The following ARHGAP24 variants were observed in gnomAD, a reference collection of about 807,000 sequenced individuals.
ARHGAP24 encodes Rho GTPase activating protein 24.
In ARHGAP24, 50 loss-of-function variants were observed where a neutral mutation model predicts 76.4. That is an observed-to-expected ratio of 0.65 (90% CI 0.52 to 0.83). The LOEUF (loss-of-function observed/expected upper bound fraction) is 0.83. ARHGAP24 is among the 40% of genes least tolerant of loss of function. The pLI, the probability that ARHGAP24 is intolerant of heterozygous loss-of-function variation, is 0.00. For missense variants in ARHGAP24, 930 were observed against 914.2 expected (o/e 1.02, Z -0.22); for synonymous variants, 345 against 323.3 (o/e 1.07, Z -0.72).
intron 2 of ARHGAP24, among the ~76,000 whole-genome samples, chr4:85,715,161 C>T (rs987007715): frequency 2.0e-5 from 3 of 152,054 alleles, no homozygotes; most frequent in East Asian, 1.9e-4. Flanking sequence ...CAACATCAAA[C>T]GCTATGGTAT....
At chr4:85,635,072 T>C (rs1180901667) in intron 2 of ARHGAP24, among the ~76,000 whole-genome samples, 1 of 151,866 alleles carries the variant, frequency 6.6e-6, no homozygotes, top group Non-Finnish European at 1.5e-5. Flanking sequence ...CCAAGACCAA[T>C]ATATGTTTTT....
intron 2 of ARHGAP24, among the ~76,000 whole-genome samples, chr4:85,578,926 G>C (rs1294092763): frequency 6.6e-6 from 1 of 152,146 alleles, no homozygotes; most frequent in East Asian, 1.9e-4. Flanking sequence ...TAACTTCAGA[G>C]CAGAAAATAA....
At chr4:85,912,651 A>G (rs1259326897) in intron 3 of ARHGAP24, among the ~76,000 whole-genome samples, 1 of 152,208 alleles carries the variant, frequency 6.6e-6, no homozygotes, top group Non-Finnish European at 1.5e-5. Context: ...TAGCATCCAT[A>G]GCAGTTAACA....
At chr4:85,584,404 A>G (rs1727755422) in intron 2 of ARHGAP24, among the ~76,000 whole-genome samples, 1 of 144,866 alleles carries the variant, frequency 6.9e-6, no homozygotes, top group Non-Finnish European at 1.5e-5. Flanking sequence ...GAACACATGG[A>G]CACAGGAAGG....
intron 9 of ARHGAP24, among the ~76,000 whole-genome samples, chr4:85,997,909 G>A (rs966825802): frequency 1.3e-5 from 2 of 151,926 alleles, no homozygotes; most frequent in African/African-American, 2.4e-5. Flanking sequence ...CACCCACCTC[G>A]GCCTCCCAAA....
At chr4:85,729,494 C>T (rs138410217) in intron 3 of ARHGAP24, among the ~76,000 whole-genome samples, 2 of 152,270 alleles carry the variant, frequency 1.3e-5, no homozygotes, top group Non-Finnish European at 2.9e-5. Flanking sequence ...ACATTTGGGG[C>T]ATTTACGAAC....
intron 2 of ARHGAP24, among the ~76,000 whole-genome samples, chr4:85,614,870 G>A (rs918454707): frequency 9.9e-5 from 15 of 152,074 alleles, no homozygotes; most frequent in Admixed American, 4.6e-4. Flanking sequence ...GATTAAACTA[G>A]GCCATCAGAG....
chr4:85,856,941 T>C (rs1466415947), intron 3 of ARHGAP24, among the ~76,000 whole-genome samples: 1 of 152,210 alleles, frequency 6.6e-6, no homozygotes, highest in Non-Finnish European at 1.5e-5. Flanking sequence ...CTGACTTTTT[T>C]TTAATTTAAC....
intron 5 of ARHGAP24, among the ~76,000 whole-genome samples, chr4:85,952,250 A>G (rs1369654300): frequency 6.6e-6 from 1 of 152,204 alleles, no homozygotes; most frequent in Non-Finnish European, 1.5e-5. Flanking sequence ...ACATTTTCCC[A>G]TGTCATTAAG....
intron 4 of ARHGAP24, among the ~76,000 whole-genome samples, chr4:85,938,173 A>G (rs1019686036): frequency 6.6e-6 from 1 of 152,160 alleles, no homozygotes; most frequent in Non-Finnish European, 1.5e-5. Flanking sequence ...GTCTAGTGAA[A>G]AGTCACATCC....
chr4:85,765,904 A>G (rs1009934249), intron 3 of ARHGAP24, among the ~76,000 whole-genome samples: 6 of 152,194 alleles, frequency 3.9e-5, no homozygotes, highest in African/African-American at 9.6e-5. Flanking sequence ...ACTCAATTGC[A>G]TAGTTGTTTT....
At chr4:85,977,833 G>T in intron 8 of ARHGAP24, 142 bp downstream of exon 8, 2 of 1,038,234 alleles carry the variant, frequency 1.9e-6, no homozygotes, top group Non-Finnish European at 1.4e-6. Flanking sequence ...TTCTTTAAAT[G>T]TAAAAATCTT....
chr4:85,886,786 A>G (rs986003105), intron 3 of ARHGAP24, among the ~76,000 whole-genome samples: 3 of 152,154 alleles, frequency 2.0e-5, no homozygotes, highest in Non-Finnish European at 2.9e-5. Flanking sequence ...ATTAACCCCT[A>G]TACTCCACAC....
At chr4:85,683,117 T>TG (rs201448168) in intron 2 of ARHGAP24, among the ~76,000 whole-genome samples, 11,245 of 56,884 alleles carry the variant, frequency 0.2, 1,125 homozygotes, top group South Asian at 0.29. Context: ...TGTGGGGGGG[T>TG]GGGGGGGGGG....
intron 2 of ARHGAP24, among the ~76,000 whole-genome samples, chr4:85,594,087 T>C (rs1348298010): frequency 1.3e-5 from 2 of 152,108 alleles, no homozygotes; most frequent in Non-Finnish European, 2.9e-5. Flanking sequence ...TCTGTGAATA[T>C]GGGATCTTTC....
chr4:85,911,563 A>G (rs1735086969), intron 3 of ARHGAP24, among the ~76,000 whole-genome samples: 1 of 152,178 alleles, frequency 6.6e-6, no homozygotes, highest in Admixed American at 6.5e-5. Context: ...TGATAAGTGG[A>G]TGCTTATGAG....
chr4:85,824,710 G>C (rs1478189320), intron 3 of ARHGAP24, among the ~76,000 whole-genome samples: 1 of 150,426 alleles, frequency 6.6e-6, no homozygotes. Context: ...ACAACATAGA[G>C]GTTCAGAGAC....
chr4:85,636,583 C>T (rs1396449832), intron 2 of ARHGAP24, among the ~76,000 whole-genome samples: 1 of 151,974 alleles, frequency 6.6e-6, no homozygotes, highest in Non-Finnish European at 1.5e-5. Flanking sequence ...CACACACACA[C>T]TCAGTGCTAG....
At chr4:85,635,294 A>G (rs1344707770) in intron 2 of ARHGAP24, among the ~76,000 whole-genome samples, 1 of 151,684 alleles carries the variant, frequency 6.6e-6, no homozygotes, top group Non-Finnish European at 1.5e-5. Flanking sequence ...TAATCAGGAA[A>G]GACCTTATTA....
Sources: gnomAD v4.1 joint callset for allele counts (sites outside exome capture counted in the v4.1 genomes callset) on GRCh38, gnomAD v4.1.1 for gene constraint, MANE v1.5 for transcripts, NCBI Gene and HGNC (gene_info 2026-07-23, HGNC 2026-07-21) for gene names.